The following SLC38A6 variants were observed in gnomAD, a reference collection of about 807,000 sequenced individuals.
The protein encoded by SLC38A6 is solute carrier family 38 member 6, also known as N system amino acid transporter NAT-1.
In SLC38A6, 73 loss-of-function variants were observed where a neutral mutation model predicts 65.0. That is an observed-to-expected ratio of 1.12 (90% CI 0.93 to 1.37). The LOEUF is 1.37. SLC38A6 is among the 40% of genes most tolerant of loss of function. The pLI, the probability that SLC38A6 is intolerant of heterozygous loss-of-function variation, is 0.00. For missense variants in SLC38A6, 561 were observed against 531.1 expected (o/e 1.06, Z -0.55); for synonymous variants, 183 against 178.8 (o/e 1.02, Z -0.19).
intron 3 of SLC38A6, among the ~76,000 whole-genome samples, chr14:61,007,491 C>T (rs2039228932): frequency 6.6e-6 from 1 of 151,898 alleles, no homozygotes; most frequent in Non-Finnish European, 1.5e-5. Flanking sequence ...GAAAAGTTAG[C>T]CTGGGCCTGG....
At chr14:61,019,926 C>G (rs978883122) in intron 5 of SLC38A6, among the ~76,000 whole-genome samples, 13 of 151,986 alleles carry the variant, frequency 8.6e-5, no homozygotes, top group Non-Finnish European at 1.5e-4. Context: ...TTCTAATCAC[C>G]CTATTGGCAG....
At chr14:61,002,022 T>C (rs2038746237) in intron 3 of SLC38A6, 1 of 152,208 alleles carries the variant, frequency 6.6e-6, no homozygotes, top group African/African-American at 2.4e-5. Context: ...TTTGTTTTTA[T>C]CCATAGGTTG....
chr14:61,069,872 A>G (rs1032115035), intron 15 of SLC38A6, among the ~76,000 whole-genome samples: 5 of 151,960 alleles, frequency 3.3e-5, no homozygotes, highest in South Asian at 4.2e-4. Context: ...CACTTTTACA[A>G]CTTTCTGTGT....
At chr14:61,068,353 T>C (rs1167266827) in intron 15 of SLC38A6, among the ~76,000 whole-genome samples, 1 of 152,234 alleles carries the variant, frequency 6.6e-6, no homozygotes, top group Non-Finnish European at 1.5e-5. Context: ...GCTACCCTGA[T>C]TAATTTCCTC....
chr14:61,006,206 A>T (rs938755573), intron 3 of SLC38A6, among the ~76,000 whole-genome samples: 7 of 152,330 alleles, frequency 4.6e-5, no homozygotes, highest in Middle Eastern at 3.4e-3. Flanking sequence ...TAAACATTAG[A>T]TCTAAAACCA....
chr14:60,985,036 A>C (rs1342632574), intron 3 of SLC38A6, among the ~76,000 whole-genome samples: 1 of 152,182 alleles, frequency 6.6e-6, no homozygotes, highest in Non-Finnish European at 1.5e-5. Flanking sequence ...TTCCTCCACA[A>C]CACAACCTAA....
chr14:61,078,436 A>G (rs1175423723), intron 15 of SLC38A6, among the ~76,000 whole-genome samples: 1 of 152,224 alleles, frequency 6.6e-6, no homozygotes, highest in Non-Finnish European at 1.5e-5. Flanking sequence ...TGTAATAGCA[A>G]TTTGAGAAGT....
intron 12 of SLC38A6, among the ~76,000 whole-genome samples, chr14:61,047,969 AG>A (rs1461791989): frequency 2.0e-4 from 9 of 44,166 alleles, no homozygotes; most frequent in Non-Finnish European, 3.6e-4. Flanking sequence ...ATAGATAGAT[AG>A]ATAGATACAT....
chr14:61,028,081 AC>A (rs2040710491), intron 5 of SLC38A6, among the ~76,000 whole-genome samples: 1 of 152,070 alleles, frequency 6.6e-6, no homozygotes, highest in Non-Finnish European at 1.5e-5. Context: ...TGAGGGTACA[AC>A]AAAGGATAAA....
At chr14:61,051,756 T>C (rs764006885) in intron 13 of SLC38A6, 31 bp from the exon 14 acceptor site, 2 of 1,605,304 alleles carry the variant, frequency 1.2e-6, no homozygotes, top group South Asian at 1.1e-5. Context: ...ACATTTCCTC[T>C]TCGCTATATG....
At chr14:61,012,222 T>A (rs899793250) in intron 3 of SLC38A6, among the ~76,000 whole-genome samples, 3 of 152,208 alleles carry the variant, frequency 2.0e-5, no homozygotes, top group African/African-American at 7.2e-5. Context: ...GTGGGATCGG[T>A]GGTGATATCC....
chr14:60,985,522 C>G (rs527548954), intron 3 of SLC38A6, among the ~76,000 whole-genome samples: 2 of 152,220 alleles, frequency 1.3e-5, no homozygotes, highest in East Asian at 1.9e-4. Flanking sequence ...TCTGTCTAGT[C>G]TCTTTTGTCT....
At chr14:61,053,433 G>C (rs2042601707), downstream of SLC38A6, among the ~76,000 whole-genome samples, 3 of 152,124 alleles carry the variant, frequency 2.0e-5, no homozygotes, top group African/African-American at 7.2e-5. Flanking sequence ...ATGAATGGTA[G>C]TTTTGCTTTT....
At chr14:61,012,401 C>G (rs573501265) in intron 3 of SLC38A6, among the ~76,000 whole-genome samples, 42 of 152,076 alleles carry the variant, frequency 2.8e-4, no homozygotes, top group Admixed American at 5.9e-4. Flanking sequence ...CTGCTCTGAT[C>G]TTAGTTATTT....
At chr14:61,061,030 C>T (rs558376970) in intron 15 of SLC38A6, among the ~76,000 whole-genome samples, 4 of 152,004 alleles carry the variant, frequency 2.6e-5, no homozygotes, top group African/African-American at 9.6e-5. Context: ...CTGGCACTCC[C>T]TAGTGAGAAG....
At chr14:61,050,328 A>G (rs2042432330) in intron 12 of SLC38A6, among the ~76,000 whole-genome samples, 184 bp from the exon 13 acceptor site, 1 of 152,150 alleles carries the variant, frequency 6.6e-6, no homozygotes, top group African/African-American at 2.4e-5. Flanking sequence ...TTAAAGGAAA[A>G]AGGGTGTTAG....
At chr14:61,010,962 A>G (rs1252514839) in intron 3 of SLC38A6, among the ~76,000 whole-genome samples, 2 of 152,142 alleles carry the variant, frequency 1.3e-5, no homozygotes, top group East Asian at 3.8e-4. Flanking sequence ...GAATCTATAA[A>G]TTACCTTGGG....
At chr14:61,026,974 C>T (rs1187132229) in intron 5 of SLC38A6, among the ~76,000 whole-genome samples, 8 of 152,024 alleles carry the variant, frequency 5.3e-5, no homozygotes, top group African/African-American at 1.7e-4. Context: ...CTCAACCTCC[C>T]GGGCCCAATT....
intron 6 of SLC38A6, among the ~76,000 whole-genome samples, chr14:61,035,404 A>G (rs1036655127): frequency 6.6e-6 from 1 of 152,186 alleles, no homozygotes; most frequent in Non-Finnish European, 1.5e-5. Context: ...AAAGCCACGT[A>G]ACATTCCATT....
Sources: allele counts gnomAD v4.1 joint callset (sites outside exome capture counted in the v4.1 genomes callset), GRCh38; gene constraint gnomAD v4.1.1; transcripts MANE v1.5; gene names NCBI Gene and HGNC (gene_info 2026-07-23, HGNC 2026-07-21).